Variants in CTC1 observed in about 807,000 individuals in gnomAD.
The protein encoded by CTC1 is CST telomere replication complex component 1, also known as CST complex subunit CTC1.
Under a neutral mutation model 136.3 loss-of-function variants are expected in CTC1, and 91 were observed. The observed-to-expected ratio is 0.67, with a 90% CI of 0.56 to 0.79. The LOEUF is 0.79. Among genes scored for constraint, CTC1 ranks in the 30% least tolerant of loss-of-function variants. The pLI is 0.00. For missense variants in CTC1, 1,432 were observed against 1,498.1 expected (o/e 0.96, Z 0.73); for synonymous variants, 606 against 613.8 (o/e 0.99, Z 0.19).
At chr17:8,229,743 T>C in intron 18 of CTC1, 148 bp downstream of exon 18, 1 of 682,768 alleles carries the variant, frequency 1.5e-6, no homozygotes, top group Non-Finnish European at 2.5e-6. Context: ...GAGCATTTTT[T>C]ATTTGGAGTA....
In CTC1 at chr17:8,238,460, C is replaced by A. The variant is rs777260624; in HGVS notation, c.367G>T (p.Asp123Tyr). Residue 123 changes from aspartate to tyrosine, a missense_variant, in exon 3 of 23, where the codon GAC (aspartate) becomes TAC (tyrosine). Physicochemically the swap from Asp to Tyr is radical, Grantham distance 160. Transcript: ENST00000651323. ...LLGTLTDLSA[D>Y]LEQECRNGSL... ...CCGTTCCTGCACTCTTGTTCCAAGT[C>A]TGCCGATAGGTCTGTTAGTGTCCCT... 10 of 1,614,100 alleles carry A rather than the reference C, an allele frequency of 6.2e-6. No individual in the cohort carries two copies. The Admixed American group carries it at 1.5e-4, about 24-fold the overall frequency.
chr17:8,240,149 ACTGT>A (rs1382905901), intron 2 of CTC1, among the ~76,000 whole-genome samples: 2 of 143,782 alleles, frequency 1.4e-5, no homozygotes, highest in Admixed American at 1.4e-4. Flanking sequence ...ACCAGAGAGA[ACTGT>A]CTCTTTTTTT....
At chr17:8,242,082 T>G (rs1988275006) in intron 2 of CTC1, among the ~76,000 whole-genome samples, 1 of 151,948 alleles carries the variant, frequency 6.6e-6, no homozygotes, top group Non-Finnish European at 1.5e-5. Context: ...CCAGCTAGAG[T>G]GCAATGGTGC....
intron 2 of CTC1, among the ~76,000 whole-genome samples, chr17:8,240,314 C>T (rs1333394107): frequency 1.3e-5 from 2 of 151,720 alleles, no homozygotes; most frequent in African/African-American, 4.8e-5. Flanking sequence ...GCCACCATGC[C>T]TGGCTAATTT....
In CTC1 at chr17:8,238,770, G is replaced by A. The variant is rs554826585; in HGVS notation, c.198-141C>T. ...AGAGGTGAGTTTGATTGATTAAAGG[G>A]GTAAAACCTGGGGCTAAAGGCCTAA... On this transcript the variant is annotated intron_variant, in intron 2 of 22. Coordinates refer to ENST00000651323, the MANE Select transcript of CTC1 (RefSeq NM_025099.6). The A allele has an allele frequency of 5.3e-4, 324 of 610,092 alleles. 4 individuals carry two copies. The African/African-American group carries it at 5.4e-3, about 10-fold the overall frequency. 37.8% of individuals were successfully genotyped at this position (610,092 alleles called of 1,614,324 possible).
intron 6 of CTC1, 24 bp downstream of exon 6, chr17:8,236,034 T>C: frequency 6.2e-7 from 1 of 1,602,258 alleles, no homozygotes; most frequent in Non-Finnish European, 8.5e-7. Flanking sequence ...CCCCTCAAGC[T>C]CTAGGATCTC....
rs757360472 is a variant in CTC1, at chr17:8,234,800, C to G, written c.1566G>C (p.Arg522=). The G allele has an allele frequency of 1.2e-6, 2 of 1,610,984 alleles. No homozygotes were observed. Among genetic ancestry groups the G allele is most frequent in the South Asian group, 2.2e-5 (2 of 90,610 alleles). ...DLLAPPGSPV[R]NAHNEILEEP... ...CTTCAAGGATCTCATTGTGTGCATT[C>G]CGAACAGGGCTGCCTGGCGGAGCTA... Residue 522 remains arginine, a synonymous_variant, in exon 9 of 23, where the codon CGG becomes CGC. Coordinates refer to ENST00000651323, the MANE Select transcript of CTC1 (RefSeq NM_025099.6).
In CTC1 at chr17:8,230,435, AG is replaced by A; in HGVS notation, c.2791del (p.Leu931Ter). On this transcript the variant is annotated frameshift_variant, in exon 17 of 23. Coordinates refer to ENST00000651323, the MANE Select transcript of CTC1 (RefSeq NM_025099.6). LOFTEE classifies it high-confidence loss of function. ...TTCAGCAGTCTCAAGAGCGACTGTTAGCTTCACACACCTTCTCATGGCCCCC... is the reference window on the plus strand; with the variant it reads ...TTCAGCAGTCTCAAGAGCGACTGTTACTTCACACACCTTCTCATGGCCCCC... Reference protein sequence around the residue: ...NTGAMRRCVKLTVALETAECE... With the variant: ...NTGAMRRCVKXTVALETAECE... 1 of 1,614,130 alleles carries A rather than the reference AG, an allele frequency of 6.2e-7. No homozygotes were observed. Among genetic ancestry groups the A allele is most frequent in the East Asian group, 2.2e-5 (1 of 44,882 alleles).
At position 8,230,010 on chromosome 17, in the gene CTC1, G is replaced by A. The variant is rs186753506; in HGVS notation, c.2934-42C>T. On this transcript the variant is annotated intron_variant, in intron 17 of 22. Coordinates refer to ENST00000651323, the MANE Select transcript of CTC1 (RefSeq NM_025099.6). The stretch of plus-strand genomic sequence containing the variant: ...AATAGTGAGTGACCAGGAAGACAAG[G>A]CAAATTGGGGTAGAAGCTGGGACTC... 2.8e-3 allele frequency: 4,426 copies of A among 1,578,020 alleles called. 12 individuals carry two copies. The highest frequency in any genetic ancestry group is 3.6e-3 in the Non-Finnish European group (4,135 of 1,147,522).
Position 8,225,404 on chromosome 17 carries a change from G to C in CTC1, c.*2776C>G, listed in dbSNP as rs1986551718. On this transcript the variant is annotated 3_prime_UTR_variant, in exon 23 of 23. Coordinates refer to ENST00000651323, the MANE Select transcript of CTC1 (RefSeq NM_025099.6). ...TCAAGCCATTTGCTCATCTTACATT[G>C]GTTCGTGGGCCATGGAATGGTGTCG... The C allele has an allele frequency of 1.3e-5, 2 of 152,196 alleles. No individual in the cohort carries two copies. Among genetic ancestry groups the C allele is most frequent in the African/African-American group, 4.8e-5 (2 of 41,428 alleles). The allele number at this position is 152,196 out of a possible 1,614,324, so 9.4% of individuals were successfully genotyped here.
In CTC1 at chr17:8,226,767, G is replaced by A. The variant is rs558228503; in HGVS notation, c.*1413C>T. The A allele has an allele frequency of 6.6e-6, 1 of 152,082 alleles. No homozygotes were observed. The highest frequency in any genetic ancestry group is 1.5e-5 in the Non-Finnish European group (1 of 68,030). 9.4% of individuals were successfully genotyped at this position (152,082 alleles called of 1,614,324 possible). On this transcript the variant is annotated 3_prime_UTR_variant, in exon 23 of 23. Transcript: ENST00000651323. Reference sequence around the variant, plus strand: ...GACAAACATCTGCCTCCATGAAAGCGCTTCAGGGAAAAAAAGACGCGGCGG... The same window carrying A: ...GACAAACATCTGCCTCCATGAAAGCACTTCAGGGAAAAAAAGACGCGGCGG...
chr17:8,247,613 T>C (rs1212290258), intron 1 of CTC1: 1 of 184,058 alleles, frequency 5.4e-6, no homozygotes, highest in African/African-American at 2.4e-5. Flanking sequence ...CCAGCCCCTT[T>C]CGGCGCTTTT....
chr17:8,226,420 G>C lies in CTC1; in HGVS notation c.*1760C>G, dbSNP rs969560298. On this transcript the variant is annotated 3_prime_UTR_variant, in exon 23 of 23. Coordinates refer to ENST00000651323, the MANE Select transcript of CTC1 (RefSeq NM_025099.6). ...TAATTTGGTAACTCAACTGGCTCTT[G>C]CATCACTTGTCCATTCCTCGGATTT... 3 of 152,172 alleles carry C rather than the reference G, an allele frequency of 2.0e-5. No homozygotes were observed. The highest frequency in any genetic ancestry group is 2.9e-5 in the Non-Finnish European group (2 of 68,044). The allele number at this position is 152,172 out of a possible 1,614,324, so 9.4% of individuals were successfully genotyped here.
Position 8,231,314 on chromosome 17 carries a change from T to C in CTC1, c.2631A>G (p.Ser877=), listed in dbSNP as rs1335870783. ...DIQDVLDANK[S]LPESSLTDLL... is the part of the protein sequence containing the mutation. Reference sequence around the variant, plus strand: ...GGTCGGTCAGTGAGGATTCAGGCAATGACTTGTTTGCATCCAGCACATCTT... The same window carrying C: ...GGTCGGTCAGTGAGGATTCAGGCAACGACTTGTTTGCATCCAGCACATCTT... The change falls in exon 15 of 23, where the codon TCA becomes TCG. Residue 877 remains serine, a synonymous_variant. Coordinates refer to ENST00000651323, the MANE Select transcript of CTC1 (RefSeq NM_025099.6). 1 of 1,599,254 alleles carries C rather than the reference T, an allele frequency of 6.3e-7. No homozygotes were observed. The highest frequency in any genetic ancestry group is 2.3e-5 in the East Asian group (1 of 44,324).
intron 12 of CTC1, 62 bp from the exon 13 acceptor site, chr17:8,232,289 A>G: frequency 1.3e-6 from 2 of 1,563,504 alleles, no homozygotes; most frequent in Non-Finnish European, 1.7e-6. Flanking sequence ...TTTGGTCCCC[A>G]GCATCCCACT....
chr17:8,247,893 G>A lies in CTC1; in HGVS notation c.33+111C>T, dbSNP rs994403115. On this transcript the variant is annotated intron_variant, in intron 1 of 22. Transcript: ENST00000651323. Reference sequence around the variant, plus strand: ...CCGACTCACAACCCCCTCACCCATGGGCCGGACGCGGCCAGCGAGCCCAGA... The same window carrying A: ...CCGACTCACAACCCCCTCACCCATGAGCCGGACGCGGCCAGCGAGCCCAGA... 10 of 1,112,022 alleles carry A rather than the reference G, an allele frequency of 9.0e-6. No homozygotes were observed. The African/African-American group carries it at 1.4e-4, about 15-fold the overall frequency. 68.9% of individuals were successfully genotyped at this position (1,112,022 alleles called of 1,614,324 possible).
chr17:8,243,375 T>C (rs1228711199), intron 1 of CTC1, among the ~76,000 whole-genome samples: 1 of 151,828 alleles, frequency 6.6e-6, no homozygotes, highest in African/African-American at 2.4e-5. Flanking sequence ...CAAAATTAGC[T>C]GGGGGTGGTG....
chr17:8,235,795 A>T, intron 7 of CTC1, 36 bp downstream of exon 7: 1 of 1,555,412 alleles, frequency 6.4e-7, no homozygotes. Flanking sequence ...GAAGCTGCAG[A>T]GGTCTCTTTT....
intron 8 of CTC1, 51 bp from the exon 9 acceptor site, chr17:8,234,977 C>T: frequency 6.3e-7 from 1 of 1,597,918 alleles, no homozygotes. Flanking sequence ...CCTGCCTCTT[C>T]AAGAATCCTG....
Sources: gnomAD v4.1 joint callset for allele counts (sites outside exome capture counted in the v4.1 genomes callset) on GRCh38, gnomAD v4.1.1 for gene constraint, MANE v1.5 for transcripts, NCBI Gene and HGNC (gene_info 2026-07-23, HGNC 2026-07-21) for gene names.